ETV5: variants seen among roughly 807,000 people sequenced by gnomAD.
ETV5 encodes ETS variant transcription factor 5.
In ETV5, 10 loss-of-function variants were observed where a neutral mutation model predicts 70.0. The ratio of observed to expected loss-of-function variants is 0.14; its 90% CI spans 0.09 to 0.24. ETV5 has a LOEUF of 0.24. Ranked by LOEUF, ETV5 falls within the 10% of genes least tolerant of loss-of-function variation. ETV5 has a pLI of 1.00. For missense variants in ETV5, 453 were observed against 651.2 expected, an observed-to-expected ratio of 0.70 and a Z score of 3.31; for synonymous variants, 216 against 242.2, an observed-to-expected ratio of 0.89 and a Z score of 1.01.
intron 9 of ETV5, 38 bp downstream of exon 9, chr3:186,064,377 GGA>G: frequency 1.3e-6 from 2 of 1,556,260 alleles, no homozygotes; most frequent in Non-Finnish European, 1.8e-6. Flanking sequence ...AGAAAGGAGA[GGA>G]GAGAGGAGAG....
intron 7 of ETV5, among the ~76,000 whole-genome samples, chr3:186,077,673 A>G (rs144502280): frequency 6.6e-6 from 1 of 152,192 alleles, no homozygotes; most frequent in Non-Finnish European, 1.5e-5. Flanking sequence ...CACACACTCT[A>G]TCTCTGAATG....
chr3:186,065,957 G>A lies in ETV5; in HGVS notation c.766C>T (p.Pro256Ser), dbSNP rs763950262. 2 of 1,612,080 alleles carry A rather than the reference G, an allele frequency of 1.2e-6. No individual in the cohort carries two copies. The highest frequency in any genetic ancestry group is 1.7e-6 in the Non-Finnish European group (2 of 1,179,102). The change falls in exon 8 of 13, where the codon CCC (proline) becomes TCC (serine). Residue 256 changes from proline (P) to serine (S), a missense_variant. Around this residue, in one of 4 missense-constraint regions of ETV5, gnomAD observed 307 missense variants for 344.9 expected, o/e 0.89. Coordinates refer to ENST00000306376, the MANE Select transcript of ETV5 (RefSeq NM_004454.3). ...QMSEPIVPAA[P>S]PPPQGFKQEY... ...TGTTTGAATCCCTGAGGGGGCGGGGGAGCTGCAGGGACAATAGGTTCTGAC... is the reference window on the plus strand; with the variant it reads ...TGTTTGAATCCCTGAGGGGGCGGGGAAGCTGCAGGGACAATAGGTTCTGAC...
In ETV5 at chr3:186,079,938, C is replaced by A. The variant is rs185636057; in HGVS notation, c.529G>T (p.Ala177Ser). The stretch of plus-strand genomic sequence containing the variant: ...CCAGGCTCTGGAAGCGAATGGGGGG[C>A]GGGGGCGGGGCCCACACCTTGAACT... ...GPVQGVGPAP[A>S]PHSLPEPGPQ... The change falls in exon 7 of 13, where the codon GCC becomes TCC. Residue 177 changes from alanine to serine, a missense_variant. Physicochemically the swap from Ala to Ser is moderately conservative, Grantham distance 99 (BLOSUM62 1). This residue lies in a region of ETV5 where 307 missense variants were observed against 344.9 expected (regional missense o/e 0.89). Coordinates refer to ENST00000306376, the MANE Select transcript of ETV5 (RefSeq NM_004454.3). 6.1e-5 allele frequency: 42 copies of A among 687,596 alleles called. No homozygotes were observed. The East Asian group carries it at 1.9e-3, about 32-fold the overall frequency. The allele number at this position is 687,596 out of a possible 1,614,324, so 42.6% of individuals were successfully genotyped here. A position where few individuals can be genotyped will look rare whatever the true frequency, so the allele number is the denominator to read the frequency against.
rs775687516 is a variant in ETV5 at position 186,064,483 on chromosome 3, G to C, written c.911-7C>G. The C allele has an allele frequency of 6.2e-7, 1 of 1,614,002 alleles. No individual in the cohort carries two copies. The highest frequency in any genetic ancestry group is 8.5e-7 in the Non-Finnish European group (1 of 1,179,894). Reference sequence around the variant, plus strand: ...GACTGGCAGTTAGGCACTTCTGAAAGGAAAGCAAAGGTGGACACAATCCTG... The same window carrying C: ...GACTGGCAGTTAGGCACTTCTGAAACGAAAGCAAAGGTGGACACAATCCTG... On this transcript the variant is annotated splice_region_variant and splice_polypyrimidine_tract_variant and intron_variant, in intron 8 of 12. Coordinates refer to ENST00000306376, the MANE Select transcript of ETV5 (RefSeq NM_004454.3).
chr3:186,090,679 T>C (rs1040562514), intron 5 of ETV5, among the ~76,000 whole-genome samples: 1 of 152,020 alleles, frequency 6.6e-6, no homozygotes, highest in African/African-American at 2.4e-5. Context: ...CTCCAGAGAG[T>C]GCAAGGCAGC....
At chr3:186,102,494 A>G (rs9844949) in intron 5 of ETV5, among the ~76,000 whole-genome samples, 132,379 of 151,884 alleles carry the variant, frequency 0.87, 57,797 homozygotes, top group East Asian at 0.95. Context: ...TTAGCCAGGC[A>G]TGGTGGCAGG....
chr3:186,106,012 CT>C (rs531636548), intron 1 of ETV5, 70 bp from the exon 2 acceptor site: 160 of 1,183,030 alleles, frequency 1.4e-4, no homozygotes, highest in Non-Finnish European at 1.6e-4. Context: ...TTTAGACTGC[CT>C]TTTTTTTAGG....
At chr3:186,072,885 A>G (rs922422401) in intron 7 of ETV5, among the ~76,000 whole-genome samples, 2 of 152,234 alleles carry the variant, frequency 1.3e-5, no homozygotes, top group African/African-American at 2.4e-5. Flanking sequence ...CTGTAATCCC[A>G]GCACTTTGGG....
chr3:186,102,337 G>C (rs188868633), intron 5 of ETV5, among the ~76,000 whole-genome samples: 48 of 152,168 alleles, frequency 3.2e-4, no homozygotes, highest in African/African-American at 8.2e-4. Flanking sequence ...CCACTGGTAA[G>C]AATATTTGTT....
At chr3:186,097,970 A>G (rs978011794) in intron 5 of ETV5, among the ~76,000 whole-genome samples, 4 of 152,192 alleles carry the variant, frequency 2.6e-5, no homozygotes, top group Admixed American at 2.0e-4. Flanking sequence ...AAGAGGGGGA[A>G]TCTGCAGCTC....
In ETV5 at chr3:186,108,441, C is replaced by A. The variant is rs914640177; in HGVS notation, c.-75+499G>T. ...TAAGTTCCTGGTCGACCCCCGCCCC[C>A]GCAGGCTGCACTTGCCTGTGTCATT... On this transcript the variant is annotated intron_variant, in intron 1 of 12. Transcript: ENST00000306376. 5.2e-6 allele frequency: 6 copies of A among 1,147,252 alleles called. No homozygotes were observed. The African/African-American group carries it at 7.9e-5, about 15-fold the overall frequency. 71.1% of individuals were successfully genotyped at this position (1,147,252 alleles called of 1,614,324 possible). A position where few individuals can be genotyped will look rare whatever the true frequency, so the allele number is the denominator to read the frequency against.
At chr3:186,098,197 G>A (rs1421413395) in intron 5 of ETV5, among the ~76,000 whole-genome samples, 2 of 152,242 alleles carry the variant, frequency 1.3e-5, no homozygotes, top group Non-Finnish European at 2.9e-5. Flanking sequence ...GTGCCCTCTG[G>A]CAAAACGGGA....
At chr3:186,064,649 A>C in intron 8 of ETV5, 173 bp from the exon 9 acceptor site, 1 of 608,998 alleles carries the variant, frequency 1.6e-6, no homozygotes, top group South Asian at 2.1e-5. Context: ...GATGGCAAAC[A>C]CCATAACCCA....
chr3:186,078,102 CA>C lies in ETV5; in HGVS notation c.650+1714del, dbSNP rs1370949525. ...CTCAGGGGGCTGGGTGGACTGGAGACAGGCTTATTTCACAGCTGAGACTGGG... is the reference window on the plus strand; with the variant it reads ...CTCAGGGGGCTGGGTGGACTGGAGACGGCTTATTTCACAGCTGAGACTGGG... On this transcript the variant is annotated intron_variant, in intron 7 of 12. Transcript: ENST00000306376. The C allele has an allele frequency of 1.0e-5, 11 of 1,051,844 alleles. No individual in the cohort carries two copies. In the African/African-American group the frequency reaches 1.5e-4, roughly 14 times the overall value. The allele number at this position is 1,051,844 out of a possible 1,614,324, so 65.2% of individuals were successfully genotyped here.
At chr3:186,095,611 G>A (rs1169134789) in intron 5 of ETV5, among the ~76,000 whole-genome samples, 1 of 152,212 alleles carries the variant, frequency 6.6e-6, no homozygotes, top group Non-Finnish European at 1.5e-5. Flanking sequence ...AGTACGTCAA[G>A]GGTGCCTAAA....
Position 186,054,720 on chromosome 3 carries a change from C to T in ETV5, c.1209+2355G>A, listed in dbSNP as rs1349574171. Among the ~76,000 whole-genome samples, 2 of 152,136 alleles carry T rather than the reference C, an allele frequency of 1.3e-5. No homozygotes were observed. The highest frequency in any genetic ancestry group is 6.5e-5 in the Admixed American group (1 of 15,280). Reference sequence around the variant, plus strand: ...CCTCCTCCGCTTCACCCTTCAAGCTCCCCCATGACGACTTCTTACAGCTTT... The same window carrying T: ...CCTCCTCCGCTTCACCCTTCAAGCTTCCCCATGACGACTTCTTACAGCTTT... On this transcript the variant is annotated intron_variant, in intron 11 of 12. Coordinates refer to ENST00000306376, the MANE Select transcript of ETV5 (RefSeq NM_004454.3). This position sits in a 1 kb window ranked among gnomAD's most constrained non-coding sequence, Gnocchi z 4.4.
intron 5 of ETV5, chr3:186,084,097 G>T: frequency 3.4e-6 from 1 of 298,352 alleles, no homozygotes; most frequent in Non-Finnish European, 6.7e-6. Flanking sequence ...ATAAAGAAAA[G>T]GGCACAGCAC....
chr3:186,086,446 A>C (rs1431733400), intron 5 of ETV5, among the ~76,000 whole-genome samples: 1 of 152,262 alleles, frequency 6.6e-6, no homozygotes, highest in Non-Finnish European at 1.5e-5. Flanking sequence ...GAAGGAAAGA[A>C]AGCTGTCATT....
intron 5 of ETV5, among the ~76,000 whole-genome samples, chr3:186,084,509 C>T (rs989334761): frequency 3.9e-5 from 6 of 152,032 alleles, no homozygotes; most frequent in African/African-American, 1.4e-4. Flanking sequence ...AGAGTATCTT[C>T]GATGGGCCAG....
Sources: allele counts gnomAD v4.1 joint callset (sites outside exome capture counted in the v4.1 genomes callset), GRCh38; gene constraint gnomAD v4.1.1; regional missense constraint gnomAD v4.1.1; non-coding constraint Gnocchi (gnomAD v3.1); transcripts MANE v1.5; gene names NCBI Gene and HGNC (gene_info 2026-07-23, HGNC 2026-07-21).